Variants in LRRC4C observed in about 807,000 individuals in gnomAD.
LRRC4C encodes the protein leucine rich repeat containing 4C, also known as leucine-rich repeat-containing protein 4C.
Under a neutral mutation model 33.6 loss-of-function variants are expected in LRRC4C, and 5 were observed. The observed-to-expected ratio is 0.15, with a 90% CI of 0.08 to 0.31. The LOEUF is 0.31. LRRC4C is among the 10% of genes least tolerant of loss of function. LRRC4C has a pLI of 1.00. For missense variants in LRRC4C, 560 were observed against 796.7 expected (o/e 0.70, Z 3.58); for synonymous variants, 329 against 302.0 (o/e 1.09, Z -0.93).
chr11:40,613,981 CAT>C (rs1284870009), intron 3 of LRRC4C, among the ~76,000 whole-genome samples: 4 of 151,868 alleles, frequency 2.6e-5, no homozygotes, highest in African/African-American at 9.7e-5. Flanking sequence ...TTTGTTGTCT[CAT>C]GTGTAGATCA....
In LRRC4C at chr11:40,816,023, C is replaced by T. The variant is rs530606029; in HGVS notation, c.-407+117612G>A. On this transcript the variant is annotated intron_variant, in intron 2 of 6. Coordinates refer to ENST00000528697, the MANE Select transcript of LRRC4C (RefSeq NM_001258419.2). ...AGCAAAGAGCTAAGAGGACTTCCCC[C>T]CAGTTTGTCCTACCACTATTAAGAG... Among the ~76,000 whole-genome samples the T allele has an allele frequency of 4.6e-5, 7 of 152,262 alleles. No individual in the cohort carries two copies. The East Asian group carries it at 1.2e-3, about 25-fold the overall frequency.
chr11:40,424,995 C>G (rs1469239560), intron 3 of LRRC4C, among the ~76,000 whole-genome samples: 2 of 152,152 alleles, frequency 1.3e-5, no homozygotes, highest in Non-Finnish European at 2.9e-5. Flanking sequence ...TCTGCTTCCT[C>G]TTGCAGGTGG....
intron 1 of LRRC4C, 120 bp downstream of exon 1, chr11:41,459,311 T>A (rs956644032): frequency 6.6e-6 from 1 of 152,124 alleles, no homozygotes; most frequent in Non-Finnish European, 1.5e-5. Flanking sequence ...TGAGTTCTTC[T>A]GAGCATTCCA....
At chr11:40,523,163 A>T (rs1436048291) in intron 3 of LRRC4C, among the ~76,000 whole-genome samples, 1 of 152,160 alleles carries the variant, frequency 6.6e-6, no homozygotes, top group Non-Finnish European at 1.5e-5. Context: ...CTTACTACCA[A>T]GGTAGAAGGT....
At chr11:40,629,982 T>C (rs1190396869) in intron 3 of LRRC4C, among the ~76,000 whole-genome samples, 1 of 152,072 alleles carries the variant, frequency 6.6e-6, no homozygotes, top group Non-Finnish European at 1.5e-5. Flanking sequence ...AGTACTAAAA[T>C]CTCTAATATC....
intron 1 of LRRC4C, among the ~76,000 whole-genome samples, chr11:40,980,342 C>A (rs984957801): frequency 3.3e-5 from 5 of 152,178 alleles, no homozygotes; most frequent in East Asian, 1.9e-4. Flanking sequence ...TATTTATATT[C>A]TCCGCTTGCT....
intron 1 of LRRC4C, among the ~76,000 whole-genome samples, chr11:41,423,513 T>C (rs970209493): frequency 1.3e-5 from 2 of 152,078 alleles, no homozygotes; most frequent in Non-Finnish European, 2.9e-5. Context: ...TGGGGTGTCA[T>C]TTAATGGTTT....
intron 2 of LRRC4C, among the ~76,000 whole-genome samples, chr11:40,836,685 C>T (rs191544086): frequency 3.9e-4 from 59 of 152,198 alleles, no homozygotes; most frequent in African/African-American, 1.4e-3. Flanking sequence ...TTTGACTCAA[C>T]GTCGATGTTT....
At chr11:41,442,252 A>G (rs1955643356) in intron 1 of LRRC4C, among the ~76,000 whole-genome samples, 1 of 151,966 alleles carries the variant, frequency 6.6e-6, no homozygotes, top group African/African-American at 2.4e-5. Context: ...AAATTCTATG[A>G]CCCATAATAC....
chr11:40,397,174 C>A (rs1949574432), intron 3 of LRRC4C, among the ~76,000 whole-genome samples: 1 of 151,976 alleles, frequency 6.6e-6, no homozygotes, highest in Non-Finnish European at 1.5e-5. Context: ...CATCCCCTAC[C>A]CAATCTCTGG....
chr11:40,434,134 G>T (rs2137886058), intron 3 of LRRC4C, among the ~76,000 whole-genome samples: 1 of 152,128 alleles, frequency 6.6e-6, no homozygotes, highest in South Asian at 2.1e-4. Context: ...GTTCTGTCTT[G>T]CCTAGCACTC....
chr11:40,411,040 G>A (rs1950138809), intron 3 of LRRC4C, among the ~76,000 whole-genome samples: 1 of 151,996 alleles, frequency 6.6e-6, no homozygotes, highest in South Asian at 2.1e-4. Context: ...TCCTCAGAAA[G>A]AACATTGGTG....
intron 3 of LRRC4C, among the ~76,000 whole-genome samples, chr11:40,547,578 C>T (rs1956973844): frequency 6.6e-6 from 1 of 152,016 alleles, no homozygotes; most frequent in Admixed American, 6.6e-5. Context: ...ATATTATAAA[C>T]CTCAGGATAC....
chr11:41,244,571 G>A (rs1948379250), intron 1 of LRRC4C, among the ~76,000 whole-genome samples: 1 of 152,184 alleles, frequency 6.6e-6, no homozygotes, highest in Non-Finnish European at 1.5e-5. Flanking sequence ...GGTGGCAATT[G>A]TATCAAGGGC....
intron 3 of LRRC4C, among the ~76,000 whole-genome samples, chr11:40,625,997 T>C (rs1962893238): frequency 1.3e-5 from 2 of 152,160 alleles, no homozygotes; most frequent in Admixed American, 1.3e-4. Context: ...GCTCAAAATT[T>C]CCCAATGACT....
chr11:40,310,774 C>T (rs555347926), intron 4 of LRRC4C, among the ~76,000 whole-genome samples: 3 of 152,090 alleles, frequency 2.0e-5, no homozygotes, highest in African/African-American at 7.2e-5. Context: ...GATTTAAAGT[C>T]AAAGCCTTTA....
At chr11:40,737,366 C>G (rs934702326) in intron 2 of LRRC4C, among the ~76,000 whole-genome samples, 2 of 152,014 alleles carry the variant, frequency 1.3e-5, no homozygotes, top group African/African-American at 4.8e-5. Flanking sequence ...GAAGTTCTGG[C>G]CAGGGCAATT....
At chr11:41,448,016 T>TTGGGCAAA (rs1330799634) in intron 1 of LRRC4C, among the ~76,000 whole-genome samples, 1 of 151,944 alleles carries the variant, frequency 6.6e-6, no homozygotes, top group African/African-American at 2.4e-5. Flanking sequence ...CCTTCACTAA[T>TTGGGCAAA]TGGGCAAATG....
rs369048613 is a variant in LRRC4C at position 40,149,438 on chromosome 11, T to C, written c.-95-8585A>G. Among the ~76,000 whole-genome samples, 34 of 152,304 alleles carry C rather than the reference T, an allele frequency of 2.2e-4. 2 individuals carry two copies. The highest frequency in any genetic ancestry group is 8.2e-4 in the African/African-American group (34 of 41,556). On this transcript the variant is annotated intron_variant, in intron 5 of 6. Coordinates refer to ENST00000528697, the MANE Select transcript of LRRC4C (RefSeq NM_001258419.2). ...GCTGTATTCCTGGTATTTTATTCTT[T>C]TTGTGGTAATTGTGAATGGGATTAT...
Sources: allele counts gnomAD v4.1 joint callset (sites outside exome capture counted in the v4.1 genomes callset), GRCh38; gene constraint gnomAD v4.1.1; transcripts MANE v1.5; gene names NCBI Gene and HGNC (gene_info 2026-07-23, HGNC 2026-07-21).